Variants in KAZN observed in about 807,000 individuals in gnomAD.
The protein encoded by KAZN is kazrin.
Under a neutral mutation model 87.4 loss-of-function variants are expected in KAZN, and 40 were observed. The observed-to-expected ratio is 0.46, with a 90% confidence interval of 0.36 to 0.60. KAZN has a LOEUF of 0.60. Ranked by LOEUF, KAZN falls within the 20% of genes least tolerant of loss-of-function variation. KAZN has a pLI of 0.00. For missense variants in KAZN, 898 were observed against 1,073.9 expected, an observed-to-expected ratio of 0.84 and a Z score of 2.29; for synonymous variants, 466 against 458.3, an observed-to-expected ratio of 1.02 and a Z score of -0.22.
intron 1 of KAZN, among the ~76,000 whole-genome samples, chr1:14,132,602 A>G (rs1385716541): frequency 6.6e-6 from 1 of 152,232 alleles, no homozygotes; most frequent in Non-Finnish European, 1.5e-5. Flanking sequence ...ATTACCAGAA[A>G]AAGGAAGAAT....
chr1:13,990,705 G>T (rs770894259), intron 1 of KAZN, among the ~76,000 whole-genome samples: 2 of 152,148 alleles, frequency 1.3e-5, no homozygotes, highest in African/African-American at 4.8e-5. Flanking sequence ...AAAAAAATCT[G>T]AACTTAATCA....
chr1:14,993,478 A>T lies in KAZN; in HGVS notation c.418+32603A>T, dbSNP rs1045447482. ...GAGCAAAACTCCATCTCAAAAAAAA[A>T]AATAATCATCATCATCATCATCAGT... On this transcript the variant is annotated intron_variant, in intron 2 of 14. Transcript: ENST00000376030. Among the ~76,000 whole-genome samples the T allele has an allele frequency of 5.9e-5, 9 of 151,910 alleles. 1 individual carries two copies. In the East Asian group the frequency reaches 7.8e-4, roughly 13 times the overall value.
chr1:14,347,518 T>C (rs1658191951), intron 2 of KAZN, among the ~76,000 whole-genome samples: 2 of 152,332 alleles, frequency 1.3e-5, no homozygotes, highest in South Asian at 4.1e-4. Flanking sequence ...TTTGAATCTT[T>C]AAACCATCTT....
intron 2 of KAZN, among the ~76,000 whole-genome samples, chr1:15,000,738 A>T (rs2311974): frequency 0.15 from 23,143 of 151,952 alleles, 2,033 homozygotes; most frequent in East Asian, 0.31. Context: ...CTGCTGAAAA[A>T]GGCAGGGAAA....
intron 2 of KAZN, among the ~76,000 whole-genome samples, chr1:14,244,518 T>TG (rs1230458892): frequency 1.3e-5 from 2 of 152,178 alleles, no homozygotes; most frequent in African/African-American, 4.8e-5. Flanking sequence ...CAAAACCCTC[T>TG]GGCCTCAAGG....
intron 1 of KAZN, among the ~76,000 whole-genome samples, chr1:14,858,989 G>A (rs1442194938): frequency 5.9e-5 from 9 of 152,054 alleles, no homozygotes; most frequent in South Asian, 2.1e-4. Flanking sequence ...GGTGGATCAC[G>A]AGGTCAGGAG....
chr1:14,255,715 T>C (rs1371720667), intron 2 of KAZN, among the ~76,000 whole-genome samples: 1 of 152,234 alleles, frequency 6.6e-6, no homozygotes, highest in Admixed American at 6.5e-5. Context: ...GCTAACCCCT[T>C]TACAAGTGTG....
chr1:14,179,998 G>A (rs1646162347), intron 1 of KAZN, among the ~76,000 whole-genome samples: 1 of 152,192 alleles, frequency 6.6e-6, no homozygotes, highest in Non-Finnish European at 1.5e-5. Flanking sequence ...CATCTGCTTA[G>A]AGGTACAATA....
At chr1:14,102,472 T>C (rs976757591) in intron 1 of KAZN, among the ~76,000 whole-genome samples, 1 of 151,844 alleles carries the variant, frequency 6.6e-6, no homozygotes, top group Non-Finnish European at 1.5e-5. Context: ...GAAAAATGGG[T>C]GATCCTAGTT....
At chr1:14,238,562 G>A (rs1183597051) in intron 2 of KAZN, among the ~76,000 whole-genome samples, 1 of 152,240 alleles carries the variant, frequency 6.6e-6, no homozygotes, top group Admixed American at 6.5e-5. Flanking sequence ...GCAACAACAC[G>A]CTTATCCGAT....
chr1:14,126,353 TCCCC>T (rs111821810), intron 1 of KAZN, among the ~76,000 whole-genome samples: 239 of 34,178 alleles, frequency 7.0e-3, no homozygotes, highest in Non-Finnish European at 0.01. Context: ...AGCTCTCCCC[TCCCC>T]CCCCCCGTCA....
At chr1:14,741,244 T>C (rs1644090296) in intron 1 of KAZN, among the ~76,000 whole-genome samples, 1 of 152,192 alleles carries the variant, frequency 6.6e-6, no homozygotes, top group African/African-American at 2.4e-5. Flanking sequence ...GAAGAGGAAC[T>C]CTATCTTGAC....
At chr1:14,477,896 A>G (rs1384432075) in intron 2 of KAZN, among the ~76,000 whole-genome samples, 1 of 152,122 alleles carries the variant, frequency 6.6e-6, no homozygotes, top group Non-Finnish European at 1.5e-5. Flanking sequence ...TCTTGCTCCC[A>G]TGGAGTACTT....
At chr1:14,143,329 C>T (rs1401481987) in intron 1 of KAZN, among the ~76,000 whole-genome samples, 3 of 152,208 alleles carry the variant, frequency 2.0e-5, no homozygotes. Flanking sequence ...GGAAGTCCTC[C>T]TCCCCACTAT....
rs566389786 is a variant in KAZN, at chr1:14,052,280, A to G, written c.92-128155A>G. ...TACACATTCTGCTTTTTGCAAAGGC[A>G]TTAACCTTTTTGAGTCCTCTCTATC... On this transcript the variant is annotated intron_variant, in intron 1 of 16. Coordinates refer to the KAZN transcript ENST00000636203. 1.4e-4 allele frequency among the ~76,000 whole-genome samples: 21 copies of G among 152,382 alleles called. No homozygotes were observed. In the East Asian group the frequency reaches 3.7e-3, roughly 27 times the overall value.
chr1:15,076,349 C>T (rs1393500665), intron 8 of KAZN, among the ~76,000 whole-genome samples: 1 of 152,188 alleles, frequency 6.6e-6, no homozygotes, highest in Non-Finnish European at 1.5e-5. Context: ...GATCGGCCTC[C>T]TACAGGGAGG....
intron 1 of KAZN, among the ~76,000 whole-genome samples, chr1:14,088,023 G>T (rs1643893624): frequency 6.7e-6 from 1 of 149,364 alleles, no homozygotes; most frequent in South Asian, 2.1e-4. Flanking sequence ...ATGTATGATG[G>T]TATTATTTCA....
chr1:14,777,210 A>C (rs1445741292), intron 1 of KAZN, among the ~76,000 whole-genome samples: 6 of 151,192 alleles, frequency 4.0e-5, no homozygotes, highest in Non-Finnish European at 4.4e-5. Flanking sequence ...GTTAGCCAGG[A>C]TGGTCTCGAG....
Position 14,184,789 on chromosome 1 carries a change from CAGAT to C in KAZN, c.249+4200_249+4203del, listed in dbSNP as rs1339975124. ...AGGAAACCTTGGCTCAGGTTCCTGG[CAGAT>C]AGGGAGGGTTAGCGCCCCAAAGTCA... On this transcript the variant is annotated intron_variant, in intron 2 of 16. Transcript: ENST00000636203. This position sits in a 1 kb window ranked among gnomAD's most constrained non-coding sequence, Gnocchi z 4.2. Among the ~76,000 whole-genome samples the C allele has an allele frequency of 6.6e-6, 1 of 152,118 alleles. No individual in the cohort carries two copies. Among genetic ancestry groups the C allele is most frequent in the African/African-American group, 2.4e-5 (1 of 41,444 alleles).
Sources: allele counts gnomAD v4.1 joint callset (sites outside exome capture counted in the v4.1 genomes callset), GRCh38; gene constraint gnomAD v4.1.1; non-coding constraint Gnocchi (gnomAD v3.1); transcripts MANE v1.5; gene names NCBI Gene and HGNC (gene_info 2026-07-23, HGNC 2026-07-21).